Variants in EPHA5 observed in about 807,000 individuals in gnomAD.
The protein encoded by EPHA5 is ephrin type-A receptor 5.
A neutral mutation model predicts 105.0 loss-of-function variants in EPHA5; 60 were observed. That is an observed-to-expected ratio of 0.57 (90% CI 0.46 to 0.71). The LOEUF (loss-of-function observed/expected upper bound fraction) is 0.71. EPHA5 is among the 30% of genes least tolerant of loss of function. The probability of loss-of-function intolerance (pLI) is 0.00; values close to 1 mark genes in which losing one functional copy is unlikely to be tolerated. For missense variants in EPHA5, 1,218 were observed against 1,274.7 expected, an observed-to-expected ratio of 0.96 and a Z score of 0.68; for synonymous variants, 513 against 449.1, an observed-to-expected ratio of 1.14 and a Z score of -1.80.
At chr4:65,342,637 A>C (rs933271970) in intron 14 of EPHA5, among the ~76,000 whole-genome samples, 5 of 152,032 alleles carry the variant, frequency 3.3e-5, no homozygotes, top group African/African-American at 9.6e-5. Context: ...CAATATACAT[A>C]AACATATAAG....
At chr4:65,644,613 A>G (rs557119079) in intron 1 of EPHA5, among the ~76,000 whole-genome samples, 5 of 152,066 alleles carry the variant, frequency 3.3e-5, no homozygotes, top group Non-Finnish European at 7.4e-5. Flanking sequence ...TTAATACTTT[A>G]TAAGATAATA....
chr4:65,554,064 AC>A, intron 3 of EPHA5, among the ~76,000 whole-genome samples: 1 of 151,740 alleles, frequency 6.6e-6, no homozygotes, highest in East Asian at 1.9e-4. Context: ...CTACGTATCT[AC>A]AAATTTCAGT....
chr4:65,519,286 A>T (rs1734431246), intron 3 of EPHA5, among the ~76,000 whole-genome samples: 1 of 152,206 alleles, frequency 6.6e-6, no homozygotes, highest in South Asian at 2.1e-4. Context: ...CCACATGATT[A>T]CCTCAATAGA....
intron 5 of EPHA5, among the ~76,000 whole-genome samples, chr4:65,422,126 ACT>A (rs1027836109): frequency 2.0e-5 from 3 of 152,076 alleles, no homozygotes; most frequent in African/African-American, 7.2e-5. Flanking sequence ...TGTTTTCCAA[ACT>A]CAGTTCAGTA....
At chr4:65,656,655 C>T (rs1293836384) in intron 1 of EPHA5, among the ~76,000 whole-genome samples, 1 of 148,424 alleles carries the variant, frequency 6.7e-6, no homozygotes, top group African/African-American at 2.5e-5. Context: ...CCTCTGTTGC[C>T]CAAGCTGAAG....
chr4:65,554,154 GA>G lies in EPHA5; in HGVS notation c.910+47486del, dbSNP rs1056258296. ...CTTTTGAAGAGTCCAAGCAAGTAAG[GA>G]AAAAAAAAATTGAGAAACTTGTACT... On this transcript the variant is annotated intron_variant, in intron 3 of 16. Coordinates refer to ENST00000613740, the MANE Select transcript of EPHA5 (RefSeq NM_001281766.3). Among the ~76,000 whole-genome samples, 409 of 145,072 alleles carry G rather than the reference GA, an allele frequency of 2.8e-3. 1 individual carries two copies. The highest frequency in any genetic ancestry group is 8.8e-3 in the African/African-American group (353 of 39,918).
rs892587338 is a variant in EPHA5 at position 65,323,168 on chromosome 4, G to T, written c.*946C>A. The T allele has an allele frequency of 4.4e-6, 1 of 228,628 alleles. No homozygotes were observed. Among genetic ancestry groups the T allele is most frequent in the African/African-American group, 2.2e-5 (1 of 45,018 alleles). 14.2% of individuals were successfully genotyped at this position (228,628 alleles called of 1,614,324 possible). ...AAAATGTTTTTAAAAAGCCAAAGGGGATTTAGTCTTATACACATTTCCTTT... is the reference window on the plus strand; with the variant it reads ...AAAATGTTTTTAAAAAGCCAAAGGGTATTTAGTCTTATACACATTTCCTTT... On this transcript the variant is annotated 3_prime_UTR_variant, in exon 17 of 17. Coordinates refer to ENST00000613740, the MANE Select transcript of EPHA5 (RefSeq NM_001281766.3).
At chr4:65,372,030 T>A (rs948303475) in intron 8 of EPHA5, among the ~76,000 whole-genome samples, 1 of 151,914 alleles carries the variant, frequency 6.6e-6, no homozygotes, top group African/African-American at 2.4e-5. Flanking sequence ...AATATCTATA[T>A]GAGATGAGAA....
intron 3 of EPHA5, among the ~76,000 whole-genome samples, chr4:65,581,768 T>A (rs1448854828): frequency 1.3e-5 from 2 of 151,742 alleles, no homozygotes; most frequent in Non-Finnish European, 1.5e-5. Context: ...AACTCTTTAG[T>A]ACCAATTTAA....
At chr4:65,396,075 CAA>C (rs1721202451) in intron 8 of EPHA5, among the ~76,000 whole-genome samples, 1 of 152,202 alleles carries the variant, frequency 6.6e-6, no homozygotes, top group Non-Finnish European at 1.5e-5. Context: ...TGGGGAACCC[CAA>C]AAGACTCCCT....
intron 3 of EPHA5, among the ~76,000 whole-genome samples, chr4:65,584,778 T>C (rs1412508104): frequency 1.3e-5 from 2 of 152,008 alleles, no homozygotes; most frequent in African/African-American, 4.8e-5. Flanking sequence ...AGTGCCTAAG[T>C]GTTCTTGAGA....
At chr4:65,403,297 G>A (rs772910557) in intron 8 of EPHA5, among the ~76,000 whole-genome samples, 1 of 152,012 alleles carries the variant, frequency 6.6e-6, no homozygotes, top group Non-Finnish European at 1.5e-5. Flanking sequence ...TTTATGAGTC[G>A]AATAGGTGCT....
At chr4:65,624,253 A>C (rs536505205) in intron 2 of EPHA5, among the ~76,000 whole-genome samples, 12 of 152,292 alleles carry the variant, frequency 7.9e-5, no homozygotes, top group African/African-American at 2.6e-4. Context: ...AAATCATGAG[A>C]TTTAATAAAA....
intron 1 of EPHA5, among the ~76,000 whole-genome samples, chr4:65,655,298 C>CT (rs986636870): frequency 6.6e-6 from 1 of 151,942 alleles, no homozygotes; most frequent in East Asian, 1.9e-4. Context: ...ACCAGAAGTA[C>CT]TTTTTTTTAA....
chr4:65,539,060 C>T (rs976209013), intron 3 of EPHA5, among the ~76,000 whole-genome samples: 1 of 151,620 alleles, frequency 6.6e-6, no homozygotes, highest in African/African-American at 2.4e-5. Flanking sequence ...CAGAGAGCAG[C>T]CTGCACCCTA....
At chr4:65,480,499 A>C (rs536117236) in intron 5 of EPHA5, among the ~76,000 whole-genome samples, 1 of 152,270 alleles carries the variant, frequency 6.6e-6, no homozygotes, top group Non-Finnish European at 1.5e-5. Flanking sequence ...TTCTTCACGA[A>C]GTTCTCGTTT....
chr4:65,472,964 CT>C (rs1729436298), intron 5 of EPHA5, among the ~76,000 whole-genome samples: 1 of 152,186 alleles, frequency 6.6e-6, no homozygotes. Context: ...ATTTTCCAAA[CT>C]TTTATGCTCT....
At chr4:65,406,819 G>A (rs1472968319) in intron 7 of EPHA5, among the ~76,000 whole-genome samples, 4 of 151,682 alleles carry the variant, frequency 2.6e-5, no homozygotes, top group Admixed American at 2.0e-4. Context: ...TACCCCCAAA[G>A]GCATTAACAA....
chr4:65,607,247 A>G (rs1482408375), intron 2 of EPHA5, among the ~76,000 whole-genome samples: 1 of 152,100 alleles, frequency 6.6e-6, no homozygotes, highest in East Asian at 1.9e-4. Context: ...CCTAGGCAAT[A>G]CCATTCAGGA....
Sources: gnomAD v4.1 joint callset for allele counts (sites outside exome capture counted in the v4.1 genomes callset) on GRCh38, gnomAD v4.1.1 for gene constraint, MANE v1.5 for transcripts, NCBI Gene and HGNC (gene_info 2026-07-23, HGNC 2026-07-21) for gene names.